Variants in ACSBG1 observed in about 807,000 individuals in gnomAD.
ACSBG1 encodes long-chain-fatty-acid--CoA ligase ACSBG1.
In ACSBG1, 39 loss-of-function variants were observed where a neutral mutation model predicts 80.2. The ratio of observed to expected loss-of-function variants is 0.49; its 90% CI spans 0.38 to 0.64. The LOEUF is 0.64. ACSBG1 is among the 30% of genes least tolerant of loss of function. ACSBG1 has a pLI of 0.00. For missense variants in ACSBG1, 828 were observed against 966.4 expected (o/e 0.86, Z 1.90); for synonymous variants, 392 against 379.5 (o/e 1.03, Z -0.38).
chr15:78,226,609 CA>C (rs768341572), intron 1 of ACSBG1: 2,960 of 80,866 alleles, frequency 0.037, 9 homozygotes, highest in South Asian at 0.067. Flanking sequence ...TCCATCTCTA[CA>C]AAAAAAAAAA....
Position 78,214,245 on chromosome 15 carries a change from G to T in ACSBG1, c.132-6143C>A, listed in dbSNP as rs898193736. Among the ~76,000 whole-genome samples, 11 of 152,230 alleles carry T rather than the reference G, an allele frequency of 7.2e-5. No homozygotes were observed. The East Asian group carries it at 2.1e-3, about 29-fold the overall frequency. On this transcript the variant is annotated intron_variant, in intron 1 of 13. Coordinates refer to ENST00000258873, the MANE Select transcript of ACSBG1 (RefSeq NM_015162.5). ...TTCCTGCTTCCTGGAGTTTCCTGGG[G>T]GCTGTCCCTGGTGATCTGCCCACCT...
At chr15:78,193,086 C>T (rs557864345) in intron 5 of ACSBG1, among the ~76,000 whole-genome samples, 68 of 152,236 alleles carry the variant, frequency 4.5e-4, no homozygotes, top group African/African-American at 1.5e-3. Flanking sequence ...TGGCAGCCCT[C>T]ACCACCCCCC....
intron 1 of ACSBG1, among the ~76,000 whole-genome samples, chr15:78,217,131 G>C (rs2075318322): frequency 6.6e-6 from 1 of 152,158 alleles, no homozygotes; most frequent in Non-Finnish European, 1.5e-5. Context: ...TGCAAAGTTG[G>C]GTGCTGCCAG....
At position 78,169,012 on chromosome 15, in the gene ACSBG1, T is replaced by A. The variant is rs774280661; in HGVS notation, c.*2432A>T. The A allele has an allele frequency of 1.3e-6, 2 of 1,568,952 alleles. No homozygotes were observed. The highest frequency in any genetic ancestry group is 4.5e-5 in the East Asian group (2 of 44,252). ...AGTAAAAGATTTAGATTAACACTTC[T>A]ACAACTGGCATTTACATCAGTCACT... On this transcript the variant is annotated 3_prime_UTR_variant, in exon 14 of 14. Coordinates refer to ENST00000258873, the MANE Select transcript of ACSBG1 (RefSeq NM_015162.5).
chr15:78,192,007 G>GA (rs2075061417), intron 5 of ACSBG1, among the ~76,000 whole-genome samples: 1 of 152,134 alleles, frequency 6.6e-6, no homozygotes, highest in Admixed American at 6.5e-5. Flanking sequence ...GGGTGGGCTT[G>GA]GATCCAATAT....
intron 1 of ACSBG1, among the ~76,000 whole-genome samples, chr15:78,233,309 G>A (rs1220869720): frequency 2.6e-5 from 4 of 152,196 alleles, no homozygotes; most frequent in Non-Finnish European, 5.9e-5. Context: ...AGCCCTCGGA[G>A]GGGCCTCTGC....
chr15:78,200,903 C>A (rs966413167), intron 2 of ACSBG1, among the ~76,000 whole-genome samples: 14 of 152,208 alleles, frequency 9.2e-5, no homozygotes, highest in Non-Finnish European at 4.4e-5. Context: ...AGGCCCTCCC[C>A]AAGGGGCTCG....
intron 1 of ACSBG1, chr15:78,213,774 G>A (rs996442989): frequency 3.9e-5 from 6 of 152,278 alleles, no homozygotes; most frequent in African/African-American, 1.4e-4. Flanking sequence ...AGGGCTGGGC[G>A]AGAAGCTCGT....
chr15:78,229,580 G>C (rs941472354), intron 1 of ACSBG1, among the ~76,000 whole-genome samples: 1 of 152,172 alleles, frequency 6.6e-6, no homozygotes, highest in Admixed American at 6.5e-5. Flanking sequence ...CTCTTAGGGG[G>C]CTCCTCTCTG....
Position 78,231,736 on chromosome 15 carries a change from A to G in ACSBG1, c.131+2635T>C, listed in dbSNP as rs534555833. Among the ~76,000 whole-genome samples the G allele has an allele frequency of 8.0e-4, 121 of 152,200 alleles. 1 individual carries two copies. Among genetic ancestry groups the G allele is most frequent in the African/African-American group, 2.6e-3 (110 of 41,530 alleles). On this transcript the variant is annotated intron_variant, in intron 1 of 13. Coordinates refer to ENST00000258873, the MANE Select transcript of ACSBG1 (RefSeq NM_015162.5). ...CCTGAGTAGGTGGGACTACAGGTGC[A>G]CACTATCATGCCTGGCCAATTTTTA...
chr15:78,230,573 C>T (rs1182052427), intron 1 of ACSBG1, among the ~76,000 whole-genome samples: 1 of 152,198 alleles, frequency 6.6e-6, no homozygotes, highest in Non-Finnish European at 1.5e-5. Flanking sequence ...GTGTCCCCAC[C>T]CAAATCTCAT....
At chr15:78,231,827 A>G (rs1236230328) in intron 1 of ACSBG1, among the ~76,000 whole-genome samples, 2 of 152,294 alleles carry the variant, frequency 1.3e-5, no homozygotes, top group East Asian at 3.9e-4. Flanking sequence ...GCACTCAAGC[A>G]ATCTTCCTTC....
rs2074912224 is a variant in ACSBG1 at position 78,178,914 on chromosome 15, C to T, written c.1485-83G>A. ...CTGGGGAGCCGGGGTCCCAACTGCTCGGTCTTCACTGATTGCTAGAAGGTA... is the reference window on the plus strand; with the variant it reads ...CTGGGGAGCCGGGGTCCCAACTGCTTGGTCTTCACTGATTGCTAGAAGGTA... On this transcript the variant is annotated intron_variant, in intron 10 of 13. Transcript: ENST00000258873. This position sits in a 1 kb window ranked among gnomAD's most constrained non-coding sequence, Gnocchi z 4.3. 1.1e-5 allele frequency: 15 copies of T among 1,371,550 alleles called. No individual in the cohort carries two copies. Among genetic ancestry groups the T allele is most frequent in the Middle Eastern group, 2.3e-4 (1 of 4,372 alleles). The allele number at this position is 1,371,550 out of a possible 1,614,324, so 85.0% of individuals were successfully genotyped here. A position where few individuals can be genotyped will look rare whatever the true frequency, so the allele number is the denominator to read the frequency against.
At chr15:78,187,434 T>C (rs1595885798) in intron 5 of ACSBG1, among the ~76,000 whole-genome samples, 10 of 152,274 alleles carry the variant, frequency 6.6e-5, no homozygotes, top group Admixed American at 6.5e-4. Flanking sequence ...AATAAAATAC[T>C]GGCAAACCAA....
chr15:78,181,526 T>C (rs8027925), intron 8 of ACSBG1, among the ~76,000 whole-genome samples: 118,677 of 138,120 alleles, frequency 0.86, 51,092 homozygotes, highest in African/African-American at 0.91. Context: ...GACTGGGCCA[T>C]GCTGTTGCCC....
intron 11 of ACSBG1, among the ~76,000 whole-genome samples, chr15:78,175,299 A>G (rs2074871880): frequency 6.6e-6 from 1 of 152,284 alleles, no homozygotes; most frequent in Non-Finnish European, 1.5e-5. Context: ...AATTTTAGTG[A>G]GACTGTACTC....
chr15:78,190,787 A>G (rs756519238), intron 5 of ACSBG1, among the ~76,000 whole-genome samples: 9 of 152,120 alleles, frequency 5.9e-5, no homozygotes, highest in Non-Finnish European at 1.2e-4. Flanking sequence ...TGCATATTGT[A>G]AAATCAGAGC....
At position 78,211,487 on chromosome 15, in the gene ACSBG1, T is replaced by G. The variant is rs532490004; in HGVS notation, c.132-3385A>C. 9.6e-4 allele frequency among the ~76,000 whole-genome samples: 147 copies of G among 152,366 alleles called. 1 individual carries two copies. The highest frequency in any genetic ancestry group is 1.7e-3 in the Non-Finnish European group (117 of 68,036). On this transcript the variant is annotated intron_variant, in intron 1 of 13. Coordinates refer to ENST00000258873, the MANE Select transcript of ACSBG1 (RefSeq NM_015162.5). ...TTACAAGGTTGGCCCTTTTCACTCG[T>G]CTTTGAGGACGAGAACAAGGATTCA... is the stretch of plus-strand genomic sequence containing the variant.
At chr15:78,198,376 T>C (rs1275706568) in intron 2 of ACSBG1, among the ~76,000 whole-genome samples, 2 of 150,132 alleles carry the variant, frequency 1.3e-5, no homozygotes, top group Non-Finnish European at 3.0e-5. Flanking sequence ...AGACAAAGTC[T>C]CACTCTGTCG....
Sources: gnomAD v4.1 joint callset for allele counts (sites outside exome capture counted in the v4.1 genomes callset) on GRCh38, gnomAD v4.1.1 for gene constraint, Gnocchi (gnomAD v3.1) non-coding constraint, MANE v1.5 for transcripts, NCBI Gene and HGNC (gene_info 2026-07-23, HGNC 2026-07-21) for gene names.